ARAP1: variants seen among roughly 807,000 people sequenced by gnomAD.
ARAP1 encodes ArfGAP with RhoGAP domain, ankyrin repeat and PH domain 1.
A neutral mutation model predicts 172.2 loss-of-function variants in ARAP1; 76 were observed. The observed-to-expected ratio is 0.44, with a 90% CI of 0.37 to 0.53. The LOEUF is 0.53. Ranked by LOEUF, ARAP1 falls within the 20% of genes least tolerant of loss-of-function variation. The pLI is 0.00. For missense variants in ARAP1, 1,686 were observed against 1,977.5 expected (o/e 0.85, Z 2.80); for synonymous variants, 804 against 803.3 (o/e 1.00, Z -0.01).
chr11:72,711,562 C>T (rs1565221119), intron 7 of ARAP1, 63 bp from the exon 8 acceptor site: 3 of 1,422,786 alleles, frequency 2.1e-6, no homozygotes, highest in Admixed American at 1.7e-5. Flanking sequence ...CCAGGACCAC[C>T]CCAGCCCTCA....
intron 1 of ARAP1, among the ~76,000 whole-genome samples, chr11:72,742,140 T>C (rs1053815617): frequency 1.3e-5 from 2 of 152,080 alleles, no homozygotes; most frequent in African/African-American, 4.8e-5. Flanking sequence ...GGCCTCCAAT[T>C]TGATGTGTGA....
intron 5 of ARAP1, 93 bp from the exon 6 acceptor site, chr11:72,712,661 CGACCCACACAGCCCA>C: frequency 6.3e-7 from 1 of 1,589,176 alleles, no homozygotes; most frequent in Non-Finnish European, 8.6e-7. Context: ...CACACAGCCC[CGACCCACACAGCCCA>C]GCACTTTTAG....
Position 72,695,124 on chromosome 11 carries a change from C to T in ARAP1, c.3577-27G>A, listed in dbSNP as rs1856123528. On this transcript the variant is annotated intron_variant, in intron 26 of 34. Coordinates refer to ENST00000393609, the MANE Select transcript of ARAP1 (RefSeq NM_001040118.3). This position sits in a 1 kb window ranked among gnomAD's most constrained non-coding sequence, Gnocchi z 4.4. ...TGCAAGGACCAAGGAGGAGATTAGC[C>T]TGCCTGTGCCTAGCCCCTGCTCTGC... 1.9e-6 allele frequency: 3 copies of T among 1,607,272 alleles called. No homozygotes were observed. The highest frequency in any genetic ancestry group is 1.3e-5 in the African/African-American group (1 of 74,942).
chr11:72,735,058 G>A (rs966193224), intron 1 of ARAP1, among the ~76,000 whole-genome samples: 3 of 151,832 alleles, frequency 2.0e-5, no homozygotes, highest in Admixed American at 6.6e-5. Context: ...TCTGCTCACC[G>A]CAACCTCTGC....
chr11:72,724,948 T>A (rs1436217213), intron 3 of ARAP1, among the ~76,000 whole-genome samples: 1 of 152,142 alleles, frequency 6.6e-6, no homozygotes, highest in African/African-American at 2.4e-5. Context: ...ATTGGTACCC[T>A]GGAGCCCTGG....
intron 11 of ARAP1, among the ~76,000 whole-genome samples, chr11:72,709,525 G>A (rs1004464401): frequency 1.3e-5 from 2 of 152,174 alleles, no homozygotes; most frequent in Non-Finnish European, 2.9e-5. Context: ...AAGGACTGAG[G>A]AGCAGCCTCA....
At chr11:72,705,651 C>T in intron 13 of ARAP1, 154 bp downstream of exon 13, 1 of 745,912 alleles carries the variant, frequency 1.3e-6, no homozygotes. Flanking sequence ...CCAAAAATTG[C>T]TTTTCCGAAA....
intron 1 of ARAP1, among the ~76,000 whole-genome samples, chr11:72,733,927 A>G (rs944913973): frequency 6.6e-5 from 10 of 152,166 alleles, no homozygotes; most frequent in African/African-American, 2.4e-4. Context: ...AAGTTCAAGC[A>G]CGATTCTCTT....
rs1000289998 is a variant in ARAP1 at position 72,685,471 on chromosome 11, C to T, written c.*193G>A. The T allele has an allele frequency of 4.2e-6, 3 of 721,476 alleles. No individual in the cohort carries two copies. Among genetic ancestry groups the T allele is most frequent in the Middle Eastern group, 3.8e-4 (1 of 2,666 alleles). 44.7% of individuals were successfully genotyped at this position (721,476 alleles called of 1,614,324 possible). A position where few individuals can be genotyped will look rare whatever the true frequency, so the allele number is the denominator to read the frequency against. ...TGGACAGAGTTGGGAGAGGTTCCTG[C>T]CCAGGCTGACCCCTGCTGCCTCCCA... On this transcript the variant is annotated 3_prime_UTR_variant, in exon 35 of 35. Coordinates refer to ENST00000393609, the MANE Select transcript of ARAP1 (RefSeq NM_001040118.3).
In ARAP1 at chr11:72,693,681, G is replaced by A; in HGVS notation, c.3808+11C>T. ...CACCCGGAGCCTGGCCACCCTGCAG[G>A]CACCACCTACCCAGGTACAGCAGCA... On this transcript the variant is annotated intron_variant, in intron 28 of 34. Transcript: ENST00000393609. This position sits in a 1 kb window ranked among gnomAD's most constrained non-coding sequence, Gnocchi z 4.6. The A allele has an allele frequency of 6.3e-7, 1 of 1,595,194 alleles. No individual in the cohort carries two copies. The highest frequency in any genetic ancestry group is 8.5e-7 in the Non-Finnish European group (1 of 1,170,548).
rs1857070644 is a variant in ARAP1 at position 72,712,560 on chromosome 11, G to A, written c.756C>T (p.Pro252=). ...CGGCCCGTGGGACTCGGCTCGGTGG[G>A]GGCTCCTCCTGCCCCCGAGACCCAC... The part of the protein sequence containing the change: ...PARVMTKKEE[P]PPSRVPRAVR... Residue 252 remains proline, a synonymous_variant, in exon 6 of 35, where the codon CCC becomes CCT. Transcript: ENST00000393609. 2 of 1,612,454 alleles carry A rather than the reference G, an allele frequency of 1.2e-6. No homozygotes were observed. Among genetic ancestry groups the A allele is most frequent in the Admixed American group, 1.7e-5 (1 of 59,972 alleles).
chr11:72,692,874 G>A, intron 29 of ARAP1, 89 bp from the exon 30 acceptor site: 1 of 1,501,832 alleles, frequency 6.7e-7, no homozygotes, highest in Non-Finnish European at 9.2e-7. Flanking sequence ...TGGGGTGTGT[G>A]TATGGCATGT....
At chr11:72,740,750 A>G (rs2135589286) in intron 1 of ARAP1, among the ~76,000 whole-genome samples, 2 of 152,276 alleles carry the variant, frequency 1.3e-5, no homozygotes, top group South Asian at 4.1e-4. Flanking sequence ...GGCCAGCAGC[A>G]CAGAGCGCAG....
At position 72,699,417 on chromosome 11, in the gene ARAP1, C is replaced by T. The variant is rs780762583; in HGVS notation, c.2438G>A (p.Gly813Asp). 2 of 1,613,998 alleles carry T rather than the reference C, an allele frequency of 1.2e-6. No homozygotes were observed. Among genetic ancestry groups the T allele is most frequent in the African/African-American group, 2.7e-5 (2 of 74,902 alleles). Reference sequence around the variant, plus strand: ...GTCTGATTTGCCCAGGAGTACTCACCCATGGGTGTCAGGAGGGGGCACTGC... The same window carrying T: ...GTCTGATTTGCCCAGGAGTACTCACTCATGGGTGTCAGGAGGGGGCACTGC... ...CLAVPPPDTH[G>D]FEHTFEVYTE... Residue 813 changes from glycine (G) to aspartate (D), a missense_variant and splice_region_variant, in exon 17 of 35, where the codon GGC becomes GAC. Transcript: ENST00000393609. The surrounding 1 kb of genome is among the most constrained non-coding windows in gnomAD (Gnocchi z 4.2).
At chr11:72,733,405 C>T (rs7104664) in intron 1 of ARAP1, among the ~76,000 whole-genome samples, 20,724 of 152,140 alleles carry the variant, frequency 0.14, 1,769 homozygotes, top group African/African-American at 0.23. Flanking sequence ...CATGAAGTGG[C>T]CTGAGGGCAC....
intron 1 of ARAP1, among the ~76,000 whole-genome samples, chr11:72,745,342 C>T (rs756574205): frequency 4.0e-5 from 6 of 149,970 alleles, no homozygotes; most frequent in Non-Finnish European, 8.9e-5. Flanking sequence ...GCGCCTGCCA[C>T]CACGTCCGGC....
At chr11:72,691,095 G>C (rs1181832346) in intron 30 of ARAP1, among the ~76,000 whole-genome samples, 1 of 152,192 alleles carries the variant, frequency 6.6e-6, no homozygotes, top group African/African-American at 2.4e-5. Context: ...AGACTTCCAG[G>C]AATACAAGCT....
At position 72,699,695 on chromosome 11, in the gene ARAP1, T is replaced by C; in HGVS notation, c.2303-143A>G. 8.5e-7 allele frequency: 1 copy of C among 1,173,088 alleles called. No individual in the cohort carries two copies. The highest frequency in any genetic ancestry group is 1.5e-5 in the South Asian group (1 of 65,206). 72.7% of individuals were successfully genotyped at this position (1,173,088 alleles called of 1,614,324 possible). Reference sequence around the variant, plus strand: ...TTTTCCCTAAATCCATCCACCTCTCTGCATCCCCACCACGCTAGCCAGCCC... The same window carrying C: ...TTTTCCCTAAATCCATCCACCTCTCCGCATCCCCACCACGCTAGCCAGCCC... On this transcript the variant is annotated intron_variant, in intron 16 of 34. Coordinates refer to ENST00000393609, the MANE Select transcript of ARAP1 (RefSeq NM_001040118.3). The surrounding 1 kb of genome is among the most constrained non-coding windows in gnomAD (Gnocchi z 4.2).
At chr11:72,733,038 A>C (rs1290276507) in intron 1 of ARAP1, among the ~76,000 whole-genome samples, 1 of 152,098 alleles carries the variant, frequency 6.6e-6, no homozygotes, top group Non-Finnish European at 1.5e-5. Flanking sequence ...AGAGGAAGAG[A>C]AGGAAGAGGG....
Sources: allele counts gnomAD v4.1 joint callset (sites outside exome capture counted in the v4.1 genomes callset), GRCh38; gene constraint gnomAD v4.1.1; non-coding constraint Gnocchi (gnomAD v3.1); transcripts MANE v1.5; gene names NCBI Gene and HGNC (gene_info 2026-07-23, HGNC 2026-07-21).